Variants in MRC2 observed in about 807,000 individuals in gnomAD.
MRC2 encodes C-type mannose receptor 2.
MRC2 carries 84 observed loss-of-function variants against 206.2 expected under a neutral mutation model. The observed-to-expected ratio is 0.41, with a 90% confidence interval of 0.34 to 0.49. The LOEUF is 0.49. Ranked by LOEUF, MRC2 falls within the 20% of genes least tolerant of loss-of-function variation. The probability of loss-of-function intolerance (pLI) is 0.31; values close to 1 mark genes in which losing one functional copy is unlikely to be tolerated. For missense variants in MRC2, 1,676 were observed against 2,001.5 expected (o/e 0.84, Z 3.10); for synonymous variants, 798 against 800.0 (o/e 1.00, Z 0.04).
In MRC2 at chr17:62,671,868, G is replaced by C. The variant is rs2088830822; in HGVS notation, c.1306+31G>C. The C allele has an allele frequency of 6.3e-7, 1 of 1,586,206 alleles. No homozygotes were observed. Among genetic ancestry groups the C allele is most frequent in the African/African-American group, 1.3e-5 (1 of 74,608 alleles). ...GAGCTGCCCGCCCACGTGTCTGGGT[G>C]GAGGGCAGGGCCTCCCACTGCCCCA... On this transcript the variant is annotated intron_variant, in intron 7 of 29. Coordinates refer to ENST00000303375, the MANE Select transcript of MRC2 (RefSeq NM_006039.5). The surrounding 1 kb of genome is among the most constrained non-coding windows in gnomAD (Gnocchi z 4.5).
intron 1 of MRC2, among the ~76,000 whole-genome samples, chr17:62,633,543 G>T (rs573616130): frequency 4.7e-4 from 71 of 149,892 alleles, no homozygotes; most frequent in African/African-American, 1.7e-3. Context: ...GACTATCAAG[G>T]TTCCCAAATA....
chr17:62,641,848 A>G (rs2088408041), intron 1 of MRC2, among the ~76,000 whole-genome samples: 1 of 152,264 alleles, frequency 6.6e-6, no homozygotes, highest in East Asian at 1.9e-4. Flanking sequence ...CTCTTCACCT[A>G]GAAGCACCAG....
chr17:62,632,344 G>C (rs931297693), intron 1 of MRC2, among the ~76,000 whole-genome samples: 5 of 151,866 alleles, frequency 3.3e-5, no homozygotes, highest in Non-Finnish European at 7.4e-5. Context: ...CTCTCCTTCC[G>C]CCGCTGGGCA....
At chr17:62,661,493 T>TCCTTC (rs1249427955) in intron 1 of MRC2, 1 of 151,074 alleles carries the variant, frequency 6.6e-6, no homozygotes, top group African/African-American at 2.5e-5. Flanking sequence ...TTCTTTTCTT[T>TCCTTC]CCTTCCTTCC....
chr17:62,677,780 A>G (rs1448806921), intron 12 of MRC2, among the ~76,000 whole-genome samples: 3 of 152,290 alleles, frequency 2.0e-5, no homozygotes, highest in East Asian at 3.9e-4. Context: ...GGCCGGGCGC[A>G]GTGGCTCACA....
At chr17:62,648,345 G>A (rs1045851152) in intron 1 of MRC2, among the ~76,000 whole-genome samples, 10 of 152,166 alleles carry the variant, frequency 6.6e-5, no homozygotes, top group African/African-American at 2.4e-4. Context: ...CGGAGGTTGC[G>A]TGACTGCGCA....
Position 62,678,609 on chromosome 17 carries a change from G to A in MRC2, c.2158G>A (p.Glu720Lys), listed in dbSNP as rs761597929. The A allele has an allele frequency of 1.2e-6, 2 of 1,611,890 alleles. No individual in the cohort carries two copies. The highest frequency in any genetic ancestry group is 1.7e-6 in the Non-Finnish European group (2 of 1,179,300). Residue 720 changes from glutamate to lysine, a missense_variant, in exon 13 of 30, where the codon GAG becomes AAG. Glu to Lys is a moderately conservative substitution (Grantham distance 56, BLOSUM62 1). Around this residue, in one of 3 missense-constraint regions of MRC2, gnomAD observed 1,354 missense variants for 1,636.6 expected, o/e 0.83. Coordinates refer to ENST00000303375, the MANE Select transcript of MRC2 (RefSeq NM_006039.5). ...QLLSLASYEE[E>K]HFVANMLNKI... ...GCTGAGCCTGGCCAGCTACGAGGAG[G>A]AGCACTTTGTGGCCAACATGCTCAA...
chr17:62,687,770 C>G (rs1239063123), intron 20 of MRC2, among the ~76,000 whole-genome samples: 3 of 151,986 alleles, frequency 2.0e-5, no homozygotes, highest in Admixed American at 1.3e-4. Context: ...GCAGTCCCAG[C>G]TACTGGGGAG....
At position 62,666,160 on chromosome 17, in the gene MRC2, A is replaced by G. The variant is rs745347608; in HGVS notation, c.587A>G (p.Gln196Arg). Residue 196 changes from glutamine (Q) to arginine (R), a missense_variant, in exon 3 of 30, where the codon CAG (glutamine) becomes CGG (arginine). Gln to Arg is a conservative substitution (Grantham distance 43). Coordinates refer to ENST00000303375, the MANE Select transcript of MRC2 (RefSeq NM_006039.5). The surrounding 1 kb of genome is among the most constrained non-coding windows in gnomAD (Gnocchi z 5.0). ...ACCATCCCCTTCAAATATGACAACC[A>G]GTGGTTCCACGGCTGCACCAGCACG... ...PCTIPFKYDN[Q>R]WFHGCTSTGR... 6.2e-7 allele frequency: 1 copy of G among 1,600,478 alleles called. No homozygotes were observed. Among genetic ancestry groups the G allele is most frequent in the African/African-American group, 1.3e-5 (1 of 74,884 alleles).
chr17:62,692,403 G>A lies in MRC2; in HGVS notation c.4392G>A (p.Glu1464=). 6.3e-7 allele frequency: 1 copy of A among 1,575,132 alleles called. No homozygotes were observed. Among genetic ancestry groups the A allele is most frequent in the Non-Finnish European group, 8.6e-7 (1 of 1,160,106 alleles). Reference sequence around the variant, plus strand: ...GCTCCAGCCCCACCGAGGCCACTGAGAAGAACATCCTGGTGTCAGACATGG... The same window carrying A: ...GCTCCAGCCCCACCGAGGCCACTGAAAAGAACATCCTGGTGTCAGACATGG... ...RSSSSPTEAT[E]KNILVSDMEM... The change falls in exon 30 of 30, where the codon GAG becomes GAA. Residue 1464 remains glutamate, a synonymous_variant. Transcript: ENST00000303375. This position sits in a 1 kb window ranked among gnomAD's most constrained non-coding sequence, Gnocchi z 4.2.
chr17:62,667,002 TC>T lies in MRC2; in HGVS notation c.973+136del. 1 of 729,394 alleles carries T rather than the reference TC, an allele frequency of 1.4e-6. No individual in the cohort carries two copies. Among genetic ancestry groups the T allele is most frequent in the Non-Finnish European group, 2.3e-6 (1 of 432,402 alleles). 45.2% of individuals were successfully genotyped at this position (729,394 alleles called of 1,614,324 possible). A position where few individuals can be genotyped will look rare whatever the true frequency, so the allele number is the denominator to read the frequency against. Reference sequence around the variant, plus strand: ...GGGGAAGCACCGACCTCCACCCCCCTCCCCAGACTGCGCCCCCCTAGCCCAT... The same window carrying T: ...GGGGAAGCACCGACCTCCACCCCCCTCCCAGACTGCGCCCCCCTAGCCCAT... On this transcript the variant is annotated intron_variant, in intron 5 of 29. Coordinates refer to ENST00000303375, the MANE Select transcript of MRC2 (RefSeq NM_006039.5). This position sits in a 1 kb window ranked among gnomAD's most constrained non-coding sequence, Gnocchi z 4.1.
intron 1 of MRC2, among the ~76,000 whole-genome samples, chr17:62,645,435 A>G (rs1291887941): frequency 6.8e-6 from 1 of 148,056 alleles, no homozygotes; most frequent in Non-Finnish European, 1.5e-5. Flanking sequence ...ATATATATAC[A>G]CACGTATATA....
Position 62,680,362 on chromosome 17 carries a change from A to G in MRC2, c.2437+54A>G. ...GGATGGAGCGAAGGGTGGCGGGGCCAGGAATTCCAGGGAGGGTCTCCTTTC... is the reference window on the plus strand; with the variant it reads ...GGATGGAGCGAAGGGTGGCGGGGCCGGGAATTCCAGGGAGGGTCTCCTTTC... On this transcript the variant is annotated intron_variant, in intron 15 of 29. Transcript: ENST00000303375. This position sits in a 1 kb window ranked among gnomAD's most constrained non-coding sequence, Gnocchi z 4.8. 4 of 1,613,514 alleles carry G rather than the reference A, an allele frequency of 2.5e-6. No individual in the cohort carries two copies. Among genetic ancestry groups the G allele is most frequent in the Admixed American group, 1.7e-5 (1 of 59,998 alleles).
At chr17:62,682,083 C>G in intron 19 of MRC2, 146 bp downstream of exon 19, 2 of 1,087,414 alleles carry the variant, frequency 1.8e-6, no homozygotes, top group Non-Finnish European at 2.6e-6. Context: ...GTGGACCTGT[C>G]TCCATGGTCC....
chr17:62,643,364 AAG>A (rs1382796656), intron 1 of MRC2, among the ~76,000 whole-genome samples: 2 of 151,906 alleles, frequency 1.3e-5, no homozygotes, highest in East Asian at 3.8e-4. Context: ...GAAAAGAAAA[AAG>A]AAAATACCAA....
chr17:62,682,471 C>A (rs746017684), intron 20 of MRC2, 94 bp downstream of exon 20: 114 of 1,419,538 alleles, frequency 8.0e-5, no homozygotes, highest in Non-Finnish European at 9.9e-5. Context: ...TTTGGCAGCA[C>A]CAAACTCATG....
chr17:62,679,012 C>G (rs1362583594), intron 13 of MRC2, among the ~76,000 whole-genome samples: 1 of 152,166 alleles, frequency 6.6e-6, no homozygotes, highest in Non-Finnish European at 1.5e-5. Context: ...CTTACACCAT[C>G]CTACAATGAC....
Position 62,666,673 on chromosome 17 carries a change from G to A in MRC2, c.859+54G>A, listed in dbSNP as rs1336908308. On this transcript the variant is annotated intron_variant, in intron 4 of 29. Coordinates refer to ENST00000303375, the MANE Select transcript of MRC2 (RefSeq NM_006039.5). The surrounding 1 kb of genome is among the most constrained non-coding windows in gnomAD (Gnocchi z 5.0). ...CCTCTGGAGGGCCCGGGCCCTTTCC[G>A]CTTGTGGGTTGGGGAGAGGGCGATG... The A allele has an allele frequency of 1.6e-5, 25 of 1,552,632 alleles. No homozygotes were observed. Among genetic ancestry groups the A allele is most frequent in the Middle Eastern group, 1.7e-4 (1 of 5,884 alleles).
In MRC2 at chr17:62,671,114, C is replaced by T. The variant is rs2088820872; in HGVS notation, c.1118-535C>T. 6.6e-6 allele frequency among the ~76,000 whole-genome samples: 1 copy of T among 152,182 alleles called. No homozygotes were observed. The highest frequency in any genetic ancestry group is 2.1e-4 in the South Asian group (1 of 4,826). ...TGAGATAAGGTCTTGCTGTGTCGCC[C>T]AGGCTGGAGTTTAGTGGTGCAATCA... is the stretch of plus-strand genomic sequence containing the variant. On this transcript the variant is annotated intron_variant, in intron 6 of 29. Transcript: ENST00000303375. This position sits in a 1 kb window ranked among gnomAD's most constrained non-coding sequence, Gnocchi z 4.5.
Sources: allele counts gnomAD v4.1 joint callset (sites outside exome capture counted in the v4.1 genomes callset), GRCh38; gene constraint gnomAD v4.1.1; regional missense constraint gnomAD v4.1.1; non-coding constraint Gnocchi (gnomAD v3.1); transcripts MANE v1.5; gene names NCBI Gene and HGNC (gene_info 2026-07-23, HGNC 2026-07-21).